Variants in OLA1 observed in about 807,000 individuals in gnomAD.
The protein encoded by OLA1 is Obg like ATPase 1.
In OLA1, 14 loss-of-function variants were observed where a neutral mutation model predicts 48.4. The ratio of observed to expected loss-of-function variants is 0.29; its 90% CI spans 0.19 to 0.45. The LOEUF is 0.45. Ranked by LOEUF, OLA1 falls within the 20% of genes least tolerant of loss-of-function variation. The probability of loss-of-function intolerance (pLI) is 1.00; values close to 1 mark genes in which losing one functional copy is unlikely to be tolerated. For missense variants in OLA1, 325 were observed against 467.1 expected (o/e 0.70, Z 2.80); for synonymous variants, 127 against 150.4 (o/e 0.84, Z 1.14).
intron 5 of OLA1, among the ~76,000 whole-genome samples, chr2:174,137,802 C>G (rs1686347686): frequency 1.3e-5 from 2 of 152,230 alleles, no homozygotes; most frequent in Admixed American, 1.3e-4. Flanking sequence ...GGACCTTGCT[C>G]TGGAATAGTC....
At chr2:174,168,827 T>A (rs943709756) in intron 4 of OLA1, among the ~76,000 whole-genome samples, 1 of 151,468 alleles carries the variant, frequency 6.6e-6, no homozygotes, top group African/African-American at 2.4e-5. Flanking sequence ...AACAGCCAAA[T>A]TAAGATGACT....
At position 174,152,936 on chromosome 2, in the gene OLA1, T is replaced by C. The variant is rs1023193599; in HGVS notation, c.374-10936A>G. 3.3e-5 allele frequency among the ~76,000 whole-genome samples: 5 copies of C among 152,322 alleles called. No individual in the cohort carries two copies. The South Asian group carries it at 1.0e-3, about 32-fold the overall frequency. On this transcript the variant is annotated intron_variant, in intron 4 of 10. Transcript: ENST00000284719. ...ACAGAACTACAAGTAGCCAGAAGAA[T>C]GTGCTTTTGCTTTGCTTCTCTCCCC...
intron 4 of OLA1, among the ~76,000 whole-genome samples, chr2:174,196,278 T>C (rs977277346): frequency 1.3e-5 from 2 of 152,156 alleles, no homozygotes; most frequent in Non-Finnish European, 2.9e-5. Flanking sequence ...GAATGTATCA[T>C]ATTAAGAGCA....
intron 4 of OLA1, among the ~76,000 whole-genome samples, chr2:174,158,078 G>C (rs1686927427): frequency 6.6e-6 from 1 of 152,106 alleles, no homozygotes; most frequent in South Asian, 2.1e-4. Flanking sequence ...CAACAAAATG[G>C]GTATGATCTC....
chr2:174,089,635 C>G (rs942406932), intron 7 of OLA1, among the ~76,000 whole-genome samples: 7 of 152,056 alleles, frequency 4.6e-5, no homozygotes, highest in Non-Finnish European at 1.0e-4. Context: ...GGTGCAGTGG[C>G]TCATGCCTGT....
intron 6 of OLA1, 21 bp downstream of exon 6, chr2:174,123,574 G>C: frequency 6.9e-7 from 1 of 1,440,528 alleles, no homozygotes; most frequent in Non-Finnish European, 9.6e-7. Flanking sequence ...AGTAATAGAT[G>C]GCATGATATT....
chr2:174,128,481 G>A (rs1686097330), intron 5 of OLA1, among the ~76,000 whole-genome samples: 1 of 151,494 alleles, frequency 6.6e-6, no homozygotes, highest in Admixed American at 6.6e-5. Flanking sequence ...TATAATCCTA[G>A]CACTTTGGGA....
chr2:174,125,379 T>C (rs1253282947), intron 5 of OLA1, among the ~76,000 whole-genome samples: 1 of 152,102 alleles, frequency 6.6e-6, no homozygotes, highest in African/African-American at 2.4e-5. Context: ...GCAGGTGAAA[T>C]GGCCCAGCTG....
intron 7 of OLA1, among the ~76,000 whole-genome samples, chr2:174,087,990 T>G (rs554392357): frequency 1.1e-4 from 16 of 152,224 alleles, no homozygotes; most frequent in Non-Finnish European, 2.1e-4. Context: ...TACAAACACC[T>G]TATATAGTTA....
At chr2:174,212,165 T>A (rs768715648) in intron 4 of OLA1, among the ~76,000 whole-genome samples, 1 of 152,218 alleles carries the variant, frequency 6.6e-6, no homozygotes, top group Admixed American at 6.5e-5. Context: ...CTAGATGGTA[T>A]AACCTACTAC....
chr2:174,242,167 T>C (rs962858828), intron 2 of OLA1, among the ~76,000 whole-genome samples: 9 of 152,142 alleles, frequency 5.9e-5, no homozygotes, highest in Non-Finnish European at 1.2e-4. Context: ...CGCCAACCTT[T>C]TTGGCACCAG....
chr2:174,081,107 A>G (rs2105339117), intron 9 of OLA1, 45 bp downstream of exon 9: 1 of 1,474,276 alleles, frequency 6.8e-7, no homozygotes, highest in South Asian at 1.1e-5. Context: ...TCTGAATTCA[A>G]TAGTGTGGAA....
chr2:174,112,610 T>A (rs953902428), intron 7 of OLA1, among the ~76,000 whole-genome samples: 2 of 152,192 alleles, frequency 1.3e-5, no homozygotes, highest in East Asian at 1.9e-4. Flanking sequence ...TCACCCCTTA[T>A]GAAGCAATTA....
intron 3 of OLA1, 128 bp downstream of exon 3, chr2:174,229,180 A>G: frequency 1.0e-6 from 1 of 993,002 alleles, no homozygotes; most frequent in African/African-American, 1.7e-5. Flanking sequence ...AGCCCTCTGC[A>G]TGACTTTTAT....
chr2:174,168,978 A>C (rs1167088571), intron 4 of OLA1, among the ~76,000 whole-genome samples: 1 of 151,832 alleles, frequency 6.6e-6, no homozygotes, highest in Admixed American at 6.6e-5. Context: ...TTCTGTTTTG[A>C]GACGGAGTCT....
intron 2 of OLA1, among the ~76,000 whole-genome samples, chr2:174,234,951 G>A (rs978337665): frequency 6.6e-6 from 1 of 152,138 alleles, no homozygotes; most frequent in Admixed American, 6.5e-5. Flanking sequence ...TTGAGGTCAG[G>A]AGTTTAAGAC....
intron 4 of OLA1, among the ~76,000 whole-genome samples, chr2:174,218,549 G>A (rs758893013): frequency 6.6e-6 from 1 of 152,148 alleles, no homozygotes; most frequent in Non-Finnish European, 1.5e-5. Context: ...TTAGCATACA[G>A]TAACTTCAAA....
intron 5 of OLA1, among the ~76,000 whole-genome samples, chr2:174,125,296 C>G (rs1158346043): frequency 6.6e-6 from 1 of 152,132 alleles, no homozygotes; most frequent in African/African-American, 2.4e-5. Context: ...AATGCCTGCT[C>G]TAGTTGTCAG....
chr2:174,225,078 G>A (rs755913051), intron 3 of OLA1, among the ~76,000 whole-genome samples: 3 of 152,126 alleles, frequency 2.0e-5, no homozygotes, highest in African/African-American at 4.8e-5. Flanking sequence ...TTTGGGTCAC[G>A]GGGTGGATCC....
Sources: gnomAD v4.1 joint callset for allele counts (sites outside exome capture counted in the v4.1 genomes callset) on GRCh38, gnomAD v4.1.1 for gene constraint, MANE v1.5 for transcripts, NCBI Gene and HGNC (gene_info 2026-07-23, HGNC 2026-07-21) for gene names.